The following PTH1R variants were observed in gnomAD, a reference collection of about 807,000 sequenced individuals.
PTH1R encodes parathyroid hormone/parathyroid hormone-related peptide receptor.
Under a neutral mutation model 70.7 loss-of-function variants are expected in PTH1R, and 32 were observed. The ratio of observed to expected loss-of-function variants is 0.45; its 90% CI spans 0.34 to 0.61. PTH1R has a LOEUF of 0.61. Ranked by LOEUF, PTH1R falls within the 20% of genes least tolerant of loss-of-function variation. PTH1R has a pLI of 0.01. For missense variants in PTH1R, 626 were observed against 792.5 expected (o/e 0.79, Z 2.52); for synonymous variants, 329 against 324.8 (o/e 1.01, Z -0.14).
chr3:46,901,724 A>G lies in PTH1R; in HGVS notation c.1117-42A>G, dbSNP rs1302267122. On this transcript the variant is annotated intron_variant, in intron 12 of 15. Coordinates refer to ENST00000449590, the MANE Select transcript of PTH1R (RefSeq NM_000316.3). This position sits in a 1 kb window ranked among gnomAD's most constrained non-coding sequence, Gnocchi z 7.3. ...TGGCTGCCAGGCCTTGCCCCGCCCCACTAGGGTGCAGCCTCCAGACGCAGC... is the reference window on the plus strand; with the variant it reads ...TGGCTGCCAGGCCTTGCCCCGCCCCGCTAGGGTGCAGCCTCCAGACGCAGC... 12 of 1,586,300 alleles carry G rather than the reference A, an allele frequency of 7.6e-6. No individual in the cohort carries two copies. Among genetic ancestry groups the G allele is most frequent in the Admixed American group, 1.7e-5 (1 of 59,960 alleles).
chr3:46,881,801 C>T (rs2030587654), intron 2 of PTH1R, among the ~76,000 whole-genome samples: 1 of 152,066 alleles, frequency 6.6e-6, no homozygotes, highest in South Asian at 2.1e-4. Flanking sequence ...GGGACCCCGA[C>T]CCGGCCCGAA....
intron 3 of PTH1R, among the ~76,000 whole-genome samples, chr3:46,887,058 G>C (rs1259978936): frequency 7.2e-5 from 11 of 151,958 alleles, no homozygotes; most frequent in African/African-American, 2.7e-4. Flanking sequence ...GGCCAACATG[G>C]TGAAACCCCC....
rs202140438 is a variant in PTH1R at position 46,902,684 on chromosome 3, C to T, written c.1353+17C>T. On this transcript the variant is annotated intron_variant, in intron 14 of 15. Coordinates refer to ENST00000449590, the MANE Select transcript of PTH1R (RefSeq NM_000316.3). This position sits in a 1 kb window ranked among gnomAD's most constrained non-coding sequence, Gnocchi z 5.4. ...TCCTTCCAGGTGCGCAGTGCTGGCC[C>T]GGGCCTGGCTGAGGGTGGGAGGGGT... 407 of 1,611,922 alleles carry T rather than the reference C, an allele frequency of 2.5e-4. No homozygotes were observed. The African/African-American group carries it at 5.0e-3, about 20-fold the overall frequency.
intron 3 of PTH1R, among the ~76,000 whole-genome samples, chr3:46,887,476 A>AAG (rs1414847123): frequency 8.8e-4 from 132 of 150,620 alleles, no homozygotes; most frequent in Non-Finnish European, 1.4e-3. Flanking sequence ...AAAAAAAAAA[A>AAG]AGAGAGAGAG....
At chr3:46,895,366 T>C (rs191722554) in intron 4 of PTH1R, among the ~76,000 whole-genome samples, 15 of 152,288 alleles carry the variant, frequency 9.8e-5, no homozygotes, top group Admixed American at 2.6e-4. Context: ...GCTTTCACCG[T>C]GCGCCCCCTG....
intron 4 of PTH1R, 119 bp downstream of exon 4, chr3:46,894,128 G>C: frequency 9.4e-7 from 1 of 1,069,008 alleles, no homozygotes; most frequent in Non-Finnish European, 1.4e-6. Context: ...CTTAGGTAAA[G>C]GGGGCCAGGC....
In PTH1R at chr3:46,901,288, C is replaced by G. The variant is rs2032098654; in HGVS notation, c.1050-126C>G. 12 of 1,337,382 alleles carry G rather than the reference C, an allele frequency of 9.0e-6. No individual in the cohort carries two copies. The highest frequency in any genetic ancestry group is 1.3e-5 in the Non-Finnish European group (12 of 957,922). 82.8% of individuals were successfully genotyped at this position (1,337,382 alleles called of 1,614,324 possible). A position where few individuals can be genotyped will look rare whatever the true frequency, so the allele number is the denominator to read the frequency against. ...CCTGTGAGGGAGGCCTCAGGCCTGG[C>G]CACACCCAGCACCCCTGCCCTGTGT... On this transcript the variant is annotated intron_variant, in intron 11 of 15. Transcript: ENST00000449590. The surrounding 1 kb of genome is among the most constrained non-coding windows in gnomAD (Gnocchi z 7.3).
rs1165435010 is a variant in PTH1R, at chr3:46,883,445, T to C, written c.-48-67T>C. On this transcript the variant is annotated intron_variant, in intron 2 of 15. Coordinates refer to ENST00000449590, the MANE Select transcript of PTH1R (RefSeq NM_000316.3). This position sits in a 1 kb window ranked among gnomAD's most constrained non-coding sequence, Gnocchi z 6.4. ...GCCTCGGGCCGCCGGGACGCCGGGG[T>C]CCCATAGGCCGGGGCGTGGGCGGGG... 2.5e-6 allele frequency: 2 copies of C among 814,150 alleles called. No individual in the cohort carries two copies. The allele number at this position is 814,150 out of a possible 1,614,324, so 50.4% of individuals were successfully genotyped here.
At position 46,884,525 on chromosome 3, in the gene PTH1R, C is replaced by G. The variant is rs1044100988; in HGVS notation, c.75+891C>G. 2.0e-5 allele frequency among the ~76,000 whole-genome samples: 3 copies of G among 152,208 alleles called. No individual in the cohort carries two copies. Among genetic ancestry groups the G allele is most frequent in the Admixed American group, 6.5e-5 (1 of 15,292 alleles). On this transcript the variant is annotated intron_variant, in intron 3 of 15. Transcript: ENST00000449590. The surrounding 1 kb of genome is among the most constrained non-coding windows in gnomAD (Gnocchi z 4.8). ...GCCCACTTGCTGGGAAGGGGGCTGT[C>G]CCAGCCCCTCAGTCCTATTCCACAG...
In PTH1R at chr3:46,882,684, G is replaced by C. The variant is rs1043585384; in HGVS notation, c.-48-828G>C. Among the ~76,000 whole-genome samples the C allele has an allele frequency of 6.6e-6, 1 of 152,040 alleles. No homozygotes were observed. The highest frequency in any genetic ancestry group is 2.4e-5 in the African/African-American group (1 of 41,400). ...GAGAGAAAAGGGGGAGGGAGGGAGC[G>C]AGGGAGTGACCGAAACGGAGCTTGG... On this transcript the variant is annotated intron_variant, in intron 2 of 15. Transcript: ENST00000449590. The surrounding 1 kb of genome is among the most constrained non-coding windows in gnomAD (Gnocchi z 4.3).
Position 46,899,293 on chromosome 3 carries a change from G to T in PTH1R, c.835-10G>T, listed in dbSNP as rs748048870. On this transcript the variant is annotated splice_polypyrimidine_tract_variant and intron_variant, in intron 9 of 15. Transcript: ENST00000449590. Reference sequence around the variant, plus strand: ...CCCTGCCCTCTGACTAACACCAGCTGGTCTCTTAGGCGGGCTGCAGGGTGG... The same window carrying T: ...CCCTGCCCTCTGACTAACACCAGCTTGTCTCTTAGGCGGGCTGCAGGGTGG... The T allele has an allele frequency of 3.7e-6, 6 of 1,613,812 alleles. No individual in the cohort carries two copies. In the South Asian group the frequency reaches 4.4e-5, roughly 12 times the overall value.
rs73067029 is a variant in PTH1R at position 46,898,098 on chromosome 3, G to A, written c.449G>A (p.Arg150His). 43 of 1,614,210 alleles carry A rather than the reference G, an allele frequency of 2.7e-5. No individual in the cohort carries two copies. The highest frequency in any genetic ancestry group is 4.0e-5 in the African/African-American group (3 of 75,056). ...GGCCATGCCTACCGACGCTGTGACC[G>A]CAATGGCAGCTGGGAGCTGGTGCCT... The part of the protein sequence containing the change: ...HKGHAYRRCD[R>H]NGSWELVPGH... Residue 150 changes from arginine to histidine, a missense_variant, in exon 7 of 16, where the codon CGC becomes CAC. Physicochemically the swap from Arg to His is conservative, Grantham distance 29 (BLOSUM62 0). Coordinates refer to ENST00000449590, the MANE Select transcript of PTH1R (RefSeq NM_000316.3).
At chr3:46,898,030 C>T in intron 6 of PTH1R, 44 bp from the exon 7 acceptor site, 2 of 1,612,692 alleles carry the variant, frequency 1.2e-6, no homozygotes, top group Non-Finnish European at 1.7e-6. Context: ...GGGTTCAGTG[C>T]CTCGAGACCT....
In PTH1R at chr3:46,902,507, A is replaced by G; in HGVS notation, c.1212-19A>G. ...AGGGGAAGTGGCTTGGCCCTGACCT[A>G]CCTGCCCCGCTGGCCCAGGAAGCTG... is the stretch of plus-strand genomic sequence containing the variant. On this transcript the variant is annotated intron_variant, in intron 13 of 15. Coordinates refer to ENST00000449590, the MANE Select transcript of PTH1R (RefSeq NM_000316.3). The surrounding 1 kb of genome is among the most constrained non-coding windows in gnomAD (Gnocchi z 5.4). The G allele has an allele frequency of 5.6e-6, 9 of 1,607,998 alleles. No homozygotes were observed. Among genetic ancestry groups the G allele is most frequent in the Non-Finnish European group, 6.8e-6 (8 of 1,178,210 alleles).
intron 4 of PTH1R, among the ~76,000 whole-genome samples, chr3:46,894,667 C>G (rs1431349883): frequency 6.6e-6 from 1 of 152,074 alleles, no homozygotes; most frequent in Non-Finnish European, 1.5e-5. Flanking sequence ...TACCCACATC[C>G]CCACACTGAG....
chr3:46,897,870 C>T lies in PTH1R; in HGVS notation c.329C>T (p.Pro110Leu), dbSNP rs2031845064. 10 of 1,613,284 alleles carry T rather than the reference C, an allele frequency of 6.2e-6. No homozygotes were observed. The South Asian group carries it at 7.7e-5, about 12-fold the overall frequency. Residue 110 changes from proline (P) to leucine (L), a missense_variant, in exon 6 of 16, where the codon CCG becomes CTG. Around this residue, in one of 3 missense-constraint regions of PTH1R, gnomAD observed 8 missense variants for 28.0 expected, o/e 0.29. Coordinates refer to ENST00000449590, the MANE Select transcript of PTH1R (RefSeq NM_000316.3). Reference protein sequence around the residue: ...GSRYRGRPCLPEWDHILCWPL... With the variant: ...GSRYRGRPCLLEWDHILCWPL... The stretch of plus-strand genomic sequence containing the variant: ...CTGGGCACAGGGCGCCCCTGTCTGC[C>T]GGAATGGGACCACATCCTGTGCTGG...
rs1297538277 is a variant in PTH1R at position 46,903,303 on chromosome 3, T to C, written c.1429T>C (p.Trp477Arg). ...QAEIKKSWSR[W>R]TLALDFKRKA... ...TGAGATCAAGAAATCTTGGAGCCGC[T>C]GGACACTGGCACTGGACTTCAAGCG... The change falls in exon 16 of 16, where the codon TGG (tryptophan) becomes CGG (arginine). Residue 477 changes from tryptophan to arginine, a missense_variant. Coordinates refer to ENST00000449590, the MANE Select transcript of PTH1R (RefSeq NM_000316.3). This position sits in a 1 kb window ranked among gnomAD's most constrained non-coding sequence, Gnocchi z 4.4. 1 of 1,613,394 alleles carries C rather than the reference T, an allele frequency of 6.2e-7. No homozygotes were observed. Among genetic ancestry groups the C allele is most frequent in the Admixed American group, 1.7e-5 (1 of 60,014 alleles).
intron 10 of PTH1R, among the ~76,000 whole-genome samples, chr3:46,900,266 T>G (rs542825968): frequency 6.6e-6 from 1 of 152,270 alleles, no homozygotes; most frequent in African/African-American, 2.4e-5. Flanking sequence ...CAGGAACAGA[T>G]GCAGGCTCTG....
chr3:46,883,749 G>T lies in PTH1R; in HGVS notation c.75+115G>T. The stretch of plus-strand genomic sequence containing the variant: ...CCCCAGTAGTTCGAACTTTGGGTGA[G>T]AGTCCCCTCTGATCCAGGATCCTGG... On this transcript the variant is annotated intron_variant, in intron 3 of 15. Transcript: ENST00000449590. This position sits in a 1 kb window ranked among gnomAD's most constrained non-coding sequence, Gnocchi z 6.4. The T allele has an allele frequency of 8.2e-7, 1 of 1,215,142 alleles. No individual in the cohort carries two copies. The highest frequency in any genetic ancestry group is 1.9e-4 in the Middle Eastern group (1 of 5,292). 75.3% of individuals were successfully genotyped at this position (1,215,142 alleles called of 1,614,324 possible). A position where few individuals can be genotyped will look rare whatever the true frequency, so the allele number is the denominator to read the frequency against.
Sources: gnomAD v4.1 joint callset for allele counts (sites outside exome capture counted in the v4.1 genomes callset) on GRCh38, gnomAD v4.1.1 for gene constraint, gnomAD v4.1.1 regional missense constraint, Gnocchi (gnomAD v3.1) non-coding constraint, MANE v1.5 for transcripts, NCBI Gene and HGNC (gene_info 2026-07-23, HGNC 2026-07-21) for gene names.